The following STK38L variants were observed in gnomAD, a reference collection of about 807,000 sequenced individuals.
STK38L encodes serine/threonine kinase 38 like.
Under a neutral mutation model 59.7 loss-of-function variants are expected in STK38L, and 28 were observed. The ratio of observed to expected loss-of-function variants is 0.47; its 90% CI spans 0.35 to 0.64. STK38L has a LOEUF of 0.64. Among genes scored for constraint, STK38L ranks in the 30% least tolerant of loss-of-function variants. The pLI is 0.01. For missense variants in STK38L, 314 were observed against 555.8 expected, an observed-to-expected ratio of 0.56 and a Z score of 4.37; for synonymous variants, 162 against 176.8, an observed-to-expected ratio of 0.92 and a Z score of 0.66.
intron 1 of STK38L, among the ~76,000 whole-genome samples, chr12:27,261,089 C>T (rs1011169498): frequency 6.6e-6 from 1 of 152,182 alleles, no homozygotes. Flanking sequence ...AATTGCTCTC[C>T]GGTTTCCCAG....
At chr12:27,303,425 G>GT (rs1944228910) in intron 3 of STK38L, among the ~76,000 whole-genome samples, 1 of 151,996 alleles carries the variant, frequency 6.6e-6, no homozygotes, top group Non-Finnish European at 1.5e-5. Flanking sequence ...ACCTCTCAAG[G>GT]TACCTTCTGT....
chr12:27,320,003 G>C (rs1248610464), intron 12 of STK38L, among the ~76,000 whole-genome samples: 1 of 152,182 alleles, frequency 6.6e-6, no homozygotes, highest in Non-Finnish European at 1.5e-5. Context: ...CAGTTAAGAA[G>C]CCTTCACTGC....
At chr12:27,273,827 T>G (rs1435444594) in intron 1 of STK38L, among the ~76,000 whole-genome samples, 1 of 152,246 alleles carries the variant, frequency 6.6e-6, no homozygotes, top group Non-Finnish European at 1.5e-5. Flanking sequence ...TTACTTTTTA[T>G]CTTTATTCAA....
In STK38L at chr12:27,253,208, AC is replaced by A. The variant is rs370928495; in HGVS notation, c.-12+8879del. 5.3e-4 allele frequency among the ~76,000 whole-genome samples: 81 copies of A among 152,218 alleles called. No homozygotes were observed. The East Asian group carries it at 9.6e-3, about 18-fold the overall frequency. On this transcript the variant is annotated intron_variant, in intron 1 of 13. Transcript: ENST00000389032. Reference sequence around the variant, plus strand: ...TCTCTTTCTGCTCTGTTGGATTTGAACCCTTTGAACTTAGAGAATTGATGTT... The same window carrying A: ...TCTCTTTCTGCTCTGTTGGATTTGAACCTTTGAACTTAGAGAATTGATGTT...
At chr12:27,299,843 T>C (rs1944120929) in intron 2 of STK38L, among the ~76,000 whole-genome samples, 1 of 151,832 alleles carries the variant, frequency 6.6e-6, no homozygotes, top group Non-Finnish European at 1.5e-5. Context: ...AAAACTGAAA[T>C]ACCAAAAATG....
intron 3 of STK38L, among the ~76,000 whole-genome samples, chr12:27,306,909 T>TTA (rs1375900009): frequency 6.6e-6 from 1 of 152,064 alleles, no homozygotes; most frequent in East Asian, 1.9e-4. Context: ...TTTTGTATTT[T>TTA]TAGTAGAGAC....
Position 27,253,699 on chromosome 12 carries a change from GTGTT to G in STK38L, c.-12+9370_-12+9373del, listed in dbSNP as rs912591151. Among the ~76,000 whole-genome samples the G allele has an allele frequency of 1.2e-4, 18 of 152,304 alleles. 1 individual carries two copies. The highest frequency in any genetic ancestry group is 4.3e-4 in the African/African-American group (18 of 41,564). The stretch of plus-strand genomic sequence containing the variant: ...AGAGAAGCTTTCCAAGGATGTGTGA[GTGTT>G]TGAGCTTAGACTTGAAGGGTGAGGA... On this transcript the variant is annotated intron_variant, in intron 1 of 13. Transcript: ENST00000389032.
chr12:27,272,250 A>G (rs1476222334), intron 1 of STK38L, among the ~76,000 whole-genome samples: 1 of 152,218 alleles, frequency 6.6e-6, no homozygotes, highest in African/African-American at 2.4e-5. Flanking sequence ...AGAATGAGAC[A>G]TTATAGCTCC....
chr12:27,251,548 C>T (rs960014606), intron 1 of STK38L, among the ~76,000 whole-genome samples: 1 of 152,206 alleles, frequency 6.6e-6, no homozygotes, highest in African/African-American at 2.4e-5. Flanking sequence ...ACACACTGGT[C>T]TTCCTTGTAG....
chr12:27,275,841 A>G (rs1471686645), intron 1 of STK38L, among the ~76,000 whole-genome samples: 2 of 152,206 alleles, frequency 1.3e-5, no homozygotes, highest in African/African-American at 4.8e-5. Flanking sequence ...CAACATCTGT[A>G]AGCCAGTTTT....
chr12:27,302,038 G>T, intron 2 of STK38L, 99 bp from the exon 3 acceptor site: 3 of 819,978 alleles, frequency 3.7e-6, no homozygotes, highest in Non-Finnish European at 3.6e-6. Flanking sequence ...TTTTAGCCTA[G>T]CAAGCTGAAG....
intron 11 of STK38L, among the ~76,000 whole-genome samples, chr12:27,318,859 C>A (rs898613221): frequency 2.6e-5 from 4 of 152,052 alleles, no homozygotes; most frequent in African/African-American, 9.7e-5. Flanking sequence ...GGCGAGGTGG[C>A]GGGCGCCTGT....
intron 1 of STK38L, among the ~76,000 whole-genome samples, chr12:27,285,280 G>A (rs188437855): frequency 6.6e-6 from 1 of 152,208 alleles, no homozygotes; most frequent in East Asian, 1.9e-4. Flanking sequence ...AAAGGAATTG[G>A]TACAACTGAG....
chr12:27,265,873 T>C (rs75752570), intron 1 of STK38L, among the ~76,000 whole-genome samples: 1 of 152,184 alleles, frequency 6.6e-6, no homozygotes, highest in East Asian at 1.9e-4. Flanking sequence ...CTATTGATGC[T>C]GATAAAAATA....
chr12:27,254,421 T>A (rs550656127), intron 1 of STK38L, among the ~76,000 whole-genome samples: 2 of 152,360 alleles, frequency 1.3e-5, no homozygotes, highest in South Asian at 4.1e-4. Context: ...TATCCTTGTT[T>A]GGTCATTCAG....
At chr12:27,248,767 G>A (rs76223838) in intron 1 of STK38L, among the ~76,000 whole-genome samples, 2,851 of 152,300 alleles carry the variant, frequency 0.019, 262 homozygotes, top group Admixed American at 0.16. Flanking sequence ...AAACCTAATG[G>A]GAAGAGTAGC....
intron 1 of STK38L, among the ~76,000 whole-genome samples, chr12:27,274,211 T>A (rs1943483626): frequency 7.0e-6 from 1 of 141,996 alleles, no homozygotes; most frequent in Admixed American, 7.3e-5. Context: ...CACTCCAGCC[T>A]GGCAACAGAG....
intron 1 of STK38L, among the ~76,000 whole-genome samples, chr12:27,288,576 ATC>A (rs1417016534): frequency 1.3e-5 from 2 of 152,092 alleles, no homozygotes; most frequent in Non-Finnish European, 2.9e-5. Context: ...TCACTGTAAT[ATC>A]TGTCTTTCCC....
chr12:27,319,206 A>G (rs1944664467), intron 11 of STK38L, 122 bp from the exon 12 acceptor site: 1 of 620,300 alleles, frequency 1.6e-6, no homozygotes, highest in Non-Finnish European at 2.7e-6. Context: ...TACAATAAAC[A>G]TAGTTAACAT....
Sources: allele counts gnomAD v4.1 joint callset (sites outside exome capture counted in the v4.1 genomes callset), GRCh38; gene constraint gnomAD v4.1.1; transcripts MANE v1.5; gene names NCBI Gene and HGNC (gene_info 2026-07-23, HGNC 2026-07-21).